The following HTT variants were observed in gnomAD, a reference collection of about 807,000 sequenced individuals.
HTT encodes huntington disease protein.
HTT carries 104 observed loss-of-function variants against 362.3 expected under a neutral mutation model. The ratio of observed to expected loss-of-function variants is 0.29; its 90% CI spans 0.24 to 0.34. The LOEUF is 0.34. Among genes scored for constraint, HTT ranks in the 10% least tolerant of loss-of-function variants. The pLI, the probability that HTT is intolerant of heterozygous loss-of-function variation, is 1.00. For synonymous variants in HTT, 1,577 were observed against 1,548.7 expected (o/e 1.02, Z -0.43); for missense variants, 3,301 against 3,928.6 (o/e 0.84, Z 4.27).
Position 3,132,559 on chromosome 4 carries a change from C to T in HTT, c.2237-3C>T, listed in dbSNP as rs372077383. ...TCCATGGCTGAGCAATTTATCTCCA[C>T]AGAGGAACAGTATGTCTCAGACATC... On this transcript the variant is annotated splice_polypyrimidine_tract_variant and splice_region_variant and intron_variant, in intron 16 of 66. Transcript: ENST00000355072. The T allele has an allele frequency of 1.4e-5, 22 of 1,613,062 alleles. No homozygotes were observed. Among genetic ancestry groups the T allele is most frequent in the Non-Finnish European group, 1.8e-5 (21 of 1,179,262 alleles).
At chr4:3,140,324 G>C (rs1302279178) in intron 21 of HTT, among the ~76,000 whole-genome samples, 186 bp from the exon 22 acceptor site, 1 of 152,024 alleles carries the variant, frequency 6.6e-6, no homozygotes, top group Non-Finnish European at 1.5e-5. Context: ...GGGTGCATGA[G>C]AGTGACCCTG....
At chr4:3,156,040 T>C (rs772125969) in intron 27 of HTT, among the ~76,000 whole-genome samples, 3 of 152,252 alleles carry the variant, frequency 2.0e-5, no homozygotes, top group Non-Finnish European at 4.4e-5. Flanking sequence ...TACATTGCTA[T>C]TAACTGCAGT....
Position 3,145,237 on chromosome 4 carries a change from T to A in HTT, c.3143+9T>A, listed in dbSNP as rs747750892. On this transcript the variant is annotated intron_variant, in intron 24 of 66. Transcript: ENST00000355072. ...TTAGGTTGGCACTGTGGGTATGTATTTTCCTCAGTATATATTAATAGTTGT... is the reference window on the plus strand; with the variant it reads ...TTAGGTTGGCACTGTGGGTATGTATATTCCTCAGTATATATTAATAGTTGT... 6.4e-7 allele frequency: 1 copy of A among 1,566,994 alleles called. No homozygotes were observed. The highest frequency in any genetic ancestry group is 1.7e-5 in the Admixed American group (1 of 59,966).
At chr4:3,083,644 T>C (rs1713046431) in intron 1 of HTT, among the ~76,000 whole-genome samples, 1 of 151,702 alleles carries the variant, frequency 6.6e-6, no homozygotes, top group Admixed American at 6.6e-5. Context: ...TACCACATGC[T>C]GGTGAGGATT....
In HTT at chr4:3,146,519, G is replaced by A. The variant is rs535697346; in HGVS notation, c.3144-278G>A. Among the ~76,000 whole-genome samples, 17 of 152,280 alleles carry A rather than the reference G, an allele frequency of 1.1e-4. No homozygotes were observed. The East Asian group carries it at 2.7e-3, about 24-fold the overall frequency. On this transcript the variant is annotated intron_variant, in intron 24 of 66. Transcript: ENST00000355072. ...GGGTAGCTGTCTCATCTCCAGTTCA[G>A]CAGAACCATTGTCATATGCCCTAGT...
Position 3,074,887 on chromosome 4 carries a change from A to AGCAGCAGCAGCAGCAGCAGCG in HTT, c.82_83insGGCAGCAGCAGCAGCAGCAGC (p.Gln27_Gln28insArgGlnGlnGlnGlnGlnGln). ...TCCCTCAAGTCCTTCCAGCAGCAGCAGCAGCAGCAGCAGCAGCAGCAGCAG... is the reference window on the plus strand; with the variant it reads ...TCCCTCAAGTCCTTCCAGCAGCAGCAGCAGCAGCAGCAGCAGCAGCGGCAGCAGCAGCAGCAGCAGCAGCAG... On this transcript the variant is annotated inframe_insertion, in exon 1 of 67. Transcript: ENST00000355072. The AGCAGCAGCAGCAGCAGCAGCG allele has an allele frequency of 7.9e-7, 1 of 1,260,816 alleles. No homozygotes were observed. The allele number at this position is 1,260,816 out of a possible 1,614,324, so 78.1% of individuals were successfully genotyped here.
intron 1 of HTT, among the ~76,000 whole-genome samples, chr4:3,084,198 C>CT (rs4038024): frequency 9.2e-4 from 75 of 81,904 alleles, no homozygotes; most frequent in Admixed American, 3.4e-3. Flanking sequence ...AATGCTTTGT[C>CT]TTTTTTTTTT....
chr4:3,239,189 G>T (rs1023550263), intron 66 of HTT, among the ~76,000 whole-genome samples: 1 of 152,210 alleles, frequency 6.6e-6, no homozygotes, highest in Non-Finnish European at 1.5e-5. Context: ...AGAGGGGCCG[G>T]TGTATGGCAG....
chr4:3,236,047 C>T, intron 63 of HTT, 102 bp from the exon 64 acceptor site: 1 of 893,612 alleles, frequency 1.1e-6, no homozygotes, highest in Admixed American at 1.8e-5. Flanking sequence ...CACCTGCTTT[C>T]AGATCTCCAG....
intron 11 of HTT, among the ~76,000 whole-genome samples, chr4:3,126,113 T>C (rs1227542356): frequency 2.0e-5 from 3 of 152,228 alleles, no homozygotes; most frequent in African/African-American, 7.2e-5. Context: ...AGTGCAGTGG[T>C]GTGCTCTTGG....
At chr4:3,081,293 C>T (rs779230476) in intron 1 of HTT, among the ~76,000 whole-genome samples, 8 of 152,184 alleles carry the variant, frequency 5.3e-5, no homozygotes. Context: ...CACAGCTACG[C>T]GGCTCTGCCA....
At chr4:3,207,049 G>A in intron 44 of HTT, 66 bp downstream of exon 44, 1 of 1,476,390 alleles carries the variant, frequency 6.8e-7, no homozygotes, top group Non-Finnish European at 9.2e-7. Flanking sequence ...CAAAACAGGT[G>A]GCTGGCTTTT....
chr4:3,208,190 C>T (rs1027811239), intron 45 of HTT, among the ~76,000 whole-genome samples: 1 of 152,148 alleles, frequency 6.6e-6, no homozygotes, highest in Non-Finnish European at 1.5e-5. Flanking sequence ...GTCTGTAGGG[C>T]CAAGCTCTTT....
At chr4:3,098,311 G>A (rs1259706504) in intron 2 of HTT, among the ~76,000 whole-genome samples, 5 of 152,172 alleles carry the variant, frequency 3.3e-5, no homozygotes, top group Non-Finnish European at 7.4e-5. Flanking sequence ...TGCCTCTTAG[G>A]CTCATTGCTA....
At chr4:3,076,892 A>G (rs1437893850) in intron 1 of HTT, among the ~76,000 whole-genome samples, 1 of 152,212 alleles carries the variant, frequency 6.6e-6, no homozygotes, top group African/African-American at 2.4e-5. Flanking sequence ...AAAAAATTTA[A>G]TCAGGACTGG....
At chr4:3,217,644 C>T in intron 51 of HTT, 121 bp from the exon 52 acceptor site, 1 of 809,382 alleles carries the variant, frequency 1.2e-6, no homozygotes, top group Non-Finnish European at 2.0e-6. Context: ...CAGTGGCCAA[C>T]TCAGAGTCTA....
At chr4:3,159,351 T>C (rs1717325082) in intron 28 of HTT, among the ~76,000 whole-genome samples, 1 of 152,340 alleles carries the variant, frequency 6.6e-6, no homozygotes, top group Non-Finnish European at 1.5e-5. Flanking sequence ...TTCCATGCCT[T>C]CTTTTCCCTC....
At position 3,132,246 on chromosome 4, in the gene HTT, T is replaced by C. The variant is rs574277024; in HGVS notation, c.2237-316T>C. Among the ~76,000 whole-genome samples, 11 of 152,274 alleles carry C rather than the reference T, an allele frequency of 7.2e-5. No homozygotes were observed. The East Asian group carries it at 9.7e-4, about 13-fold the overall frequency. On this transcript the variant is annotated intron_variant, in intron 16 of 66. Transcript: ENST00000355072. Reference sequence around the variant, plus strand: ...TGTTTTTGAATTTATATGAGGTAAGTGTGTAATAGGGTTTTTTCTAATCTT... The same window carrying C: ...TGTTTTTGAATTTATATGAGGTAAGCGTGTAATAGGGTTTTTTCTAATCTT...
rs201424915 is a variant in HTT at position 3,199,972 on chromosome 4, C to G, written c.5576+33C>G. On this transcript the variant is annotated intron_variant, in intron 41 of 66. Coordinates refer to ENST00000355072, the MANE Select transcript of HTT (RefSeq NM_001388492.1). ...CATAATGCCCCACAGCCCAGGGCGCCAGCCCAGCACCCTGTCCTGAGACTC... is the reference window on the plus strand; with the variant it reads ...CATAATGCCCCACAGCCCAGGGCGCGAGCCCAGCACCCTGTCCTGAGACTC... 5.1e-5 allele frequency: 80 copies of G among 1,559,266 alleles called. No homozygotes were observed. The East Asian group carries it at 1.7e-3, about 34-fold the overall frequency.
Sources: gnomAD v4.1 joint callset for allele counts (sites outside exome capture counted in the v4.1 genomes callset) on GRCh38, gnomAD v4.1.1 for gene constraint, MANE v1.5 for transcripts, NCBI Gene and HGNC (gene_info 2026-07-23, HGNC 2026-07-21) for gene names.